Variants in KAZN observed in about 807,000 individuals in gnomAD.
The protein encoded by KAZN is kazrin.
KAZN carries 40 observed loss-of-function variants against 87.4 expected under a neutral mutation model. That is an observed-to-expected ratio of 0.46 (90% CI 0.36 to 0.60). KAZN has a LOEUF of 0.60. Ranked by LOEUF, KAZN falls within the 20% of genes least tolerant of loss-of-function variation. The probability of loss-of-function intolerance (pLI) is 0.00; values close to 1 mark genes in which losing one functional copy is unlikely to be tolerated. For missense variants in KAZN, 898 were observed against 1,073.9 expected, an observed-to-expected ratio of 0.84 and a Z score of 2.29; for synonymous variants, 466 against 458.3, an observed-to-expected ratio of 1.02 and a Z score of -0.22.
intron 2 of KAZN, among the ~76,000 whole-genome samples, chr1:14,491,294 A>G (rs1669632707): frequency 6.6e-6 from 1 of 152,198 alleles, no homozygotes; most frequent in Non-Finnish European, 1.5e-5. Context: ...AGAGATTTAC[A>G]AGTTACTCTT....
intron 2 of KAZN, among the ~76,000 whole-genome samples, chr1:14,378,938 C>A (rs146144516): frequency 2.0e-5 from 3 of 151,378 alleles, no homozygotes; most frequent in Admixed American, 6.6e-5. Flanking sequence ...ATGCACTGAT[C>A]CCCCGCCAAA....
At chr1:14,506,542 G>A (rs1202602431) in intron 2 of KAZN, among the ~76,000 whole-genome samples, 8 of 152,120 alleles carry the variant, frequency 5.3e-5, no homozygotes, top group Admixed American at 2.6e-4. Flanking sequence ...CTGTAACCTC[G>A]AGCAAATTGC....
chr1:14,489,772 T>TAA (rs1258192651), intron 2 of KAZN, among the ~76,000 whole-genome samples: 25 of 147,014 alleles, frequency 1.7e-4, no homozygotes, highest in African/African-American at 5.9e-4. Context: ...ATAATAATAA[T>TAA]GAATACACTG....
In KAZN at chr1:14,998,979, G is replaced by A. The variant is rs181766053; in HGVS notation, c.419-35770G>A. Among the ~76,000 whole-genome samples the A allele has an allele frequency of 5.8e-4, 88 of 152,334 alleles. 1 individual carries two copies. In the East Asian group the frequency reaches 6.4e-3, roughly 11 times the overall value. On this transcript the variant is annotated intron_variant, in intron 2 of 14. Transcript: ENST00000376030. ...CTGCCAGCCACCTTGCAGTCTGACT[G>A]GGAACAACAGTCACCAGGTATTTGT... is the stretch of plus-strand genomic sequence containing the variant.
rs901265217 is a variant in KAZN at position 15,094,929 on chromosome 1, C to T, written c.1543C>T (p.Arg515Cys). ...IEDYRDAEAG[R>C]SLSKAAELDH... Reference sequence around the variant, plus strand: ...GGACTACCGTGATGCCGAGGCAGGCCGCAGGTGAGCCCACCACGAGGGGCC... The same window carrying T: ...GGACTACCGTGATGCCGAGGCAGGCTGCAGGTGAGCCCACCACGAGGGGCC... The change falls in exon 10 of 15, where the codon CGC becomes TGC. Residue 515 changes from arginine to cysteine, a missense_variant. Transcript: ENST00000376030. This position sits in a 1 kb window ranked among gnomAD's most constrained non-coding sequence, Gnocchi z 4.5. 1.3e-6 allele frequency: 2 copies of T among 1,547,552 alleles called. No individual in the cohort carries two copies. Among genetic ancestry groups the T allele is most frequent in the Admixed American group, 2.0e-5 (1 of 50,902 alleles).
At chr1:14,281,984 C>T (rs1652872633) in intron 2 of KAZN, among the ~76,000 whole-genome samples, 1 of 152,308 alleles carries the variant, frequency 6.6e-6, no homozygotes, top group South Asian at 2.1e-4. Flanking sequence ...CCCAGCTCCC[C>T]ACACCTACAG....
intron 1 of KAZN, among the ~76,000 whole-genome samples, chr1:13,973,896 C>A (rs754731512): frequency 6.6e-6 from 1 of 152,190 alleles, no homozygotes; most frequent in African/African-American, 2.4e-5. Context: ...GGTGTCCCCA[C>A]GACCACCCAC....
intron 1 of KAZN, among the ~76,000 whole-genome samples, chr1:14,957,950 C>T (rs1663348699): frequency 6.6e-6 from 1 of 152,198 alleles, no homozygotes; most frequent in Admixed American, 6.5e-5. Flanking sequence ...GGGAGGCCTC[C>T]TCTCCTTACA....
Position 14,062,492 on chromosome 1 carries a change from A to C in KAZN, c.92-117943A>C, listed in dbSNP as rs77891251. On this transcript the variant is annotated intron_variant, in intron 1 of 16. Coordinates refer to the KAZN transcript ENST00000636203. Reference sequence around the variant, plus strand: ...GGTAAAACTTTGTTTATTCAGGCAAATGGGAAGCAAGACAAGTCTGAATTA... The same window carrying C: ...GGTAAAACTTTGTTTATTCAGGCAACTGGGAAGCAAGACAAGTCTGAATTA... 6.6e-4 allele frequency among the ~76,000 whole-genome samples: 101 copies of C among 152,268 alleles called. 1 individual carries two copies. In the East Asian group the frequency reaches 0.019, roughly 29 times the overall value.
At chr1:14,518,966 G>A (rs1671437687) in intron 2 of KAZN, among the ~76,000 whole-genome samples, 1 of 152,156 alleles carries the variant, frequency 6.6e-6, no homozygotes, top group African/African-American at 2.4e-5. Context: ...CAACTTCGGA[G>A]ATCCTGTTGC....
intron 2 of KAZN, among the ~76,000 whole-genome samples, chr1:14,369,379 C>A (rs971567869): frequency 4.6e-5 from 7 of 152,114 alleles, no homozygotes; most frequent in Non-Finnish European, 1.0e-4. Flanking sequence ...TGTGCATGAG[C>A]CTATTGTTTA....
intron 1 of KAZN, among the ~76,000 whole-genome samples, chr1:14,631,811 C>T (rs1679592941): frequency 6.6e-6 from 1 of 152,144 alleles, no homozygotes; most frequent in African/African-American, 2.4e-5. Context: ...TGAAATGTAC[C>T]TTTGGGGGTT....
chr1:14,290,028 G>A (rs969034871), intron 2 of KAZN, among the ~76,000 whole-genome samples: 4 of 152,198 alleles, frequency 2.6e-5, no homozygotes, highest in African/African-American at 7.2e-5. Context: ...GGCTTGTAGA[G>A]TTTCTGCTGA....
At chr1:15,067,230 C>T in intron 8 of KAZN, 1 of 985,548 alleles carries the variant, frequency 1.0e-6, no homozygotes, top group Non-Finnish European at 1.2e-6. Context: ...GCCCTCCACC[C>T]TCCCCATTCT....
At chr1:14,832,269 C>T (rs1373268091) in intron 1 of KAZN, among the ~76,000 whole-genome samples, 1 of 151,988 alleles carries the variant, frequency 6.6e-6, no homozygotes, top group African/African-American at 2.4e-5. Flanking sequence ...ATCTGCCACA[C>T]CCCACACCCC....
chr1:14,150,098 C>G (rs1645440989), intron 1 of KAZN, among the ~76,000 whole-genome samples: 1 of 152,142 alleles, frequency 6.6e-6, no homozygotes. Context: ...GACCTGTTTC[C>G]TGGAAGCATT....
intron 1 of KAZN, among the ~76,000 whole-genome samples, chr1:13,958,071 A>G (rs576932297): frequency 4.7e-4 from 71 of 152,314 alleles, no homozygotes; most frequent in African/African-American, 1.7e-3. Flanking sequence ...GTTCATTCAT[A>G]TATTTATTAA....
intron 1 of KAZN, among the ~76,000 whole-genome samples, chr1:13,924,784 A>G (rs1398376118): frequency 6.6e-6 from 1 of 152,202 alleles, no homozygotes; most frequent in Non-Finnish European, 1.5e-5. Context: ...ATTTTTCCCC[A>G]AAATGTATAA....
intron 1 of KAZN, among the ~76,000 whole-genome samples, chr1:14,658,204 C>T (rs1220691869): frequency 6.6e-6 from 1 of 152,114 alleles, no homozygotes; most frequent in Non-Finnish European, 1.5e-5. Context: ...AGAGCTGGAG[C>T]GGGACCTGCC....
Sources: gnomAD v4.1 joint callset for allele counts (sites outside exome capture counted in the v4.1 genomes callset) on GRCh38, gnomAD v4.1.1 for gene constraint, Gnocchi (gnomAD v3.1) non-coding constraint, MANE v1.5 for transcripts, NCBI Gene and HGNC (gene_info 2026-07-23, HGNC 2026-07-21) for gene names.